ERCC8: variants seen among roughly 807,000 people sequenced by gnomAD.
ERCC8 encodes the protein ERCC excision repair 8, CSA ubiquitin ligase complex subunit, also known as DNA excision repair protein ERCC-8.
ERCC8 carries 52 observed loss-of-function variants against 54.9 expected under a neutral mutation model. The observed-to-expected ratio is 0.95, with a 90% CI of 0.76 to 1.19. The LOEUF (loss-of-function observed/expected upper bound fraction) is 1.19. Among genes scored for constraint, ERCC8 ranks in the 50% most tolerant of loss-of-function variants. ERCC8 has a pLI of 0.00. For missense variants in ERCC8, 514 were observed against 466.1 expected (o/e 1.10, Z -0.95); for synonymous variants, 146 against 157.2 (o/e 0.93, Z 0.53).
At chr5:60,906,531 C>G (rs1048080563) in intron 4 of ERCC8, among the ~76,000 whole-genome samples, 2 of 151,606 alleles carry the variant, frequency 1.3e-5, no homozygotes, top group Non-Finnish European at 3.0e-5. Flanking sequence ...GAGTTTGAGA[C>G]AAGCCTGGCC....
At chr5:60,896,676 T>C (rs914171939) in intron 9 of ERCC8, among the ~76,000 whole-genome samples, 2 of 152,236 alleles carry the variant, frequency 1.3e-5, no homozygotes, top group African/African-American at 4.8e-5. Context: ...TAGTTACCTA[T>C]GCATGAATTA....
intron 4 of ERCC8, among the ~76,000 whole-genome samples, chr5:60,905,773 G>A (rs1279435301): frequency 1.3e-5 from 2 of 152,202 alleles, no homozygotes; most frequent in African/African-American, 4.8e-5. Flanking sequence ...TGCAAGGCTG[G>A]CCAGGCCAAG....
chr5:60,941,110 G>C (rs1750244534), intron 1 of ERCC8, among the ~76,000 whole-genome samples: 1 of 152,090 alleles, frequency 6.6e-6, no homozygotes, highest in Non-Finnish European at 1.5e-5. Context: ...CAGCCTAGGA[G>C]TTCAGGACCA....
At chr5:60,880,675 C>T (rs1246383420) in intron 11 of ERCC8, among the ~76,000 whole-genome samples, 1 of 152,212 alleles carries the variant, frequency 6.6e-6, no homozygotes, top group Non-Finnish European at 1.5e-5. Flanking sequence ...GAGGCTTGAA[C>T]ATTCATCACG....
intron 4 of ERCC8, among the ~76,000 whole-genome samples, chr5:60,910,901 T>C (rs897277794): frequency 6.6e-6 from 1 of 152,186 alleles, no homozygotes; most frequent in Non-Finnish European, 1.5e-5. Flanking sequence ...AGTACAATGT[T>C]GAACAGAGGA....
At chr5:60,928,767 A>G in intron 2 of ERCC8, 97 bp downstream of exon 2, 1 of 708,448 alleles carries the variant, frequency 1.4e-6, no homozygotes, top group South Asian at 1.8e-5. Context: ...GATTTTCATT[A>G]ATTTTAATGA....
At chr5:60,894,640 G>A (rs1264437238) in intron 9 of ERCC8, among the ~76,000 whole-genome samples, 7 of 152,102 alleles carry the variant, frequency 4.6e-5, no homozygotes, top group Admixed American at 1.3e-4. Context: ...CAGACTTCCA[G>A]GCCCCACCCC....
At position 60,873,322 on chromosome 5, in the gene ERCC8, G is replaced by T. The variant is rs1047569559; in HGVS notation, c.*1293C>A. On this transcript the variant is annotated 3_prime_UTR_variant, in exon 12 of 12. Coordinates refer to ENST00000676185, the MANE Select transcript of ERCC8 (RefSeq NM_000082.4). Reference sequence around the variant, plus strand: ...AAAAAAATCAATTGTAAAAGCAAGTGTTTGGAAAACATTTAGCTGGAAAGG... The same window carrying T: ...AAAAAAATCAATTGTAAAAGCAAGTTTTTGGAAAACATTTAGCTGGAAAGG... Among the ~76,000 whole-genome samples, 1 of 152,126 alleles carries T rather than the reference G, an allele frequency of 6.6e-6. No individual in the cohort carries two copies. Among genetic ancestry groups the T allele is most frequent in the African/African-American group, 2.4e-5 (1 of 41,424 alleles).
intron 6 of ERCC8, chr5:60,903,358 TG>T (rs1463407850): frequency 2.9e-6 from 1 of 349,868 alleles, no homozygotes; most frequent in Non-Finnish European, 5.3e-6. Flanking sequence ...AGTACACTGA[TG>T]TGAGTTGCAT....
intron 4 of ERCC8, among the ~76,000 whole-genome samples, chr5:60,914,584 T>A (rs1368382885): frequency 1.3e-5 from 2 of 151,648 alleles, no homozygotes; most frequent in African/African-American, 4.8e-5. Flanking sequence ...TGAGGCCAGA[T>A]TTTGACACCA....
chr5:60,918,638 A>G, intron 3 of ERCC8: 1 of 474,496 alleles, frequency 2.1e-6, no homozygotes, highest in Non-Finnish European at 3.9e-6. Context: ...CTGTTTTTGT[A>G]CTATATACAG....
At chr5:60,919,978 G>C (rs907682492) in intron 3 of ERCC8, among the ~76,000 whole-genome samples, 1 of 151,956 alleles carries the variant, frequency 6.6e-6, no homozygotes, top group Non-Finnish European at 1.5e-5. Context: ...CCTATTTAGA[G>C]GAAATGCCCT....
chr5:60,897,332 T>A (rs1389587977), intron 9 of ERCC8, among the ~76,000 whole-genome samples: 1 of 152,204 alleles, frequency 6.6e-6, no homozygotes, highest in Admixed American at 6.5e-5. Flanking sequence ...AATTTATCCA[T>A]CTGTCCATCT....
chr5:60,925,581 AG>A (rs1403635874), intron 2 of ERCC8, among the ~76,000 whole-genome samples: 2 of 152,322 alleles, frequency 1.3e-5, no homozygotes, highest in East Asian at 3.9e-4. Context: ...GGACTTATCC[AG>A]GTATATCAGA....
intron 4 of ERCC8, among the ~76,000 whole-genome samples, chr5:60,905,328 T>C (rs952818651): frequency 6.6e-6 from 1 of 152,126 alleles, no homozygotes; most frequent in Non-Finnish European, 1.5e-5. Context: ...TTTCAGCTTT[T>C]CCCCCTCCAA....
At chr5:60,944,873 TAC>T in intron 1 of ERCC8, 57 bp downstream of exon 1, 1 of 1,231,358 alleles carries the variant, frequency 8.1e-7, no homozygotes, top group Non-Finnish European at 1.2e-6. Flanking sequence ...GGGCAAAGCT[TAC>T]AGTCATTGGT....
At chr5:60,912,294 A>T (rs1426493885) in intron 4 of ERCC8, among the ~76,000 whole-genome samples, 1 of 150,502 alleles carries the variant, frequency 6.6e-6, no homozygotes, top group African/African-American at 2.5e-5. Context: ...GATCTCCTTG[A>T]AGAGGTCCTT....
intron 1 of ERCC8, among the ~76,000 whole-genome samples, chr5:60,937,812 C>T (rs368224524): frequency 9.9e-5 from 15 of 152,050 alleles, no homozygotes; most frequent in Admixed American, 5.2e-4. Flanking sequence ...GGATCCTCTC[C>T]GCTTTCCTGG....
intron 4 of ERCC8, among the ~76,000 whole-genome samples, chr5:60,912,769 A>C (rs10044751): frequency 0.017 from 2,571 of 152,176 alleles, 89 homozygotes; most frequent in African/African-American, 0.06. Flanking sequence ...ACATTCTATC[A>C]ATACCTAGTT....
Sources: gnomAD v4.1 joint callset for allele counts (sites outside exome capture counted in the v4.1 genomes callset) on GRCh38, gnomAD v4.1.1 for gene constraint, MANE v1.5 for transcripts, NCBI Gene and HGNC (gene_info 2026-07-23, HGNC 2026-07-21) for gene names.